FBXL20: variants seen among roughly 807,000 people sequenced by gnomAD.
FBXL20 encodes the protein F-box and leucine rich repeat protein 20.
Under a neutral mutation model 64.0 loss-of-function variants are expected in FBXL20, and 11 were observed. The observed-to-expected ratio is 0.17, with a 90% CI of 0.11 to 0.28. The LOEUF is 0.28. FBXL20 is among the 10% of genes least tolerant of loss of function. The probability of loss-of-function intolerance (pLI) is 1.00; values close to 1 mark genes in which losing one functional copy is unlikely to be tolerated. For missense variants in FBXL20, 303 were observed against 526.2 expected, an observed-to-expected ratio of 0.58 and a Z score of 4.15; for synonymous variants, 184 against 189.0, an observed-to-expected ratio of 0.97 and a Z score of 0.22.
At chr17:39,282,279 G>A (rs2046955752) in intron 8 of FBXL20, among the ~76,000 whole-genome samples, 1 of 152,038 alleles carries the variant, frequency 6.6e-6, no homozygotes, top group East Asian at 1.9e-4. Flanking sequence ...AATGTGACTG[G>A]CAGGAAATAA....
At position 39,253,863 on chromosome 17, in the gene FBXL20, TAG is replaced by T; in HGVS notation, c.*7595_*7596del. The T allele has an allele frequency of 6.6e-6, 1 of 152,138 alleles. No individual in the cohort carries two copies. The highest frequency in any genetic ancestry group is 1.5e-5 in the Non-Finnish European group (1 of 68,012). 9.4% of individuals were successfully genotyped at this position (152,138 alleles called of 1,614,324 possible). On this transcript the variant is annotated 3_prime_UTR_variant, in exon 15 of 15. Transcript: ENST00000264658. ...AAAAAAGTAATCAAATCATGCCAGT[TAG>T]AGACTTTTTCAAGTTAAGATTTTCT...
At chr17:39,310,339 T>C (rs1249592531) in intron 2 of FBXL20, among the ~76,000 whole-genome samples, 3 of 151,926 alleles carry the variant, frequency 2.0e-5, no homozygotes, top group Non-Finnish European at 4.4e-5. Context: ...AATTTGCACA[T>C]GCAATCCATG....
intron 7 of FBXL20, among the ~76,000 whole-genome samples, chr17:39,283,318 T>C (rs541079401): frequency 6.6e-6 from 1 of 152,390 alleles, no homozygotes; most frequent in South Asian, 2.1e-4. Flanking sequence ...ATTTGCATTA[T>C]ACTTACATAG....
chr17:39,388,318 G>A (rs1487016501), intron 1 of FBXL20, among the ~76,000 whole-genome samples: 1 of 151,866 alleles, frequency 6.6e-6, no homozygotes, highest in Admixed American at 6.6e-5. Flanking sequence ...AAATAGCTGG[G>A]CATGGTGGCA....
chr17:39,335,370 AC>A (rs944356393), intron 2 of FBXL20, among the ~76,000 whole-genome samples: 8 of 151,112 alleles, frequency 5.3e-5, no homozygotes, highest in Admixed American at 1.3e-4. Context: ...TTCCTCCTCA[AC>A]CCCTCCGGTC....
rs543683186 is a variant in FBXL20 at position 39,395,983 on chromosome 17, G to A, written c.42+5378C>T. ...AGAACCAGGAAAGGGCAGAACCACA[G>A]TCATTCAAAGCCAAGAGTTTTGTGG... On this transcript the variant is annotated intron_variant, in intron 1 of 14. Transcript: ENST00000264658. Among the ~76,000 whole-genome samples the A allele has an allele frequency of 4.9e-5, 7 of 143,556 alleles. No homozygotes were observed. In the East Asian group the frequency reaches 1.2e-3, roughly 26 times the overall value. The allele number at this position is 143,556 out of a possible 152,430, so 94.2% of individuals were successfully genotyped here. A position where few individuals can be genotyped will look rare whatever the true frequency, so the allele number is the denominator to read the frequency against.
intron 7 of FBXL20, among the ~76,000 whole-genome samples, chr17:39,284,076 G>GTT (rs2144394496): frequency 6.6e-6 from 1 of 152,182 alleles, no homozygotes; most frequent in African/African-American, 2.4e-5. Context: ...CACAATAACA[G>GTT]TTGACTGTGA....
At chr17:39,390,311 A>G (rs1288384321) in intron 1 of FBXL20, among the ~76,000 whole-genome samples, 1 of 152,148 alleles carries the variant, frequency 6.6e-6, no homozygotes, top group African/African-American at 2.4e-5. Context: ...AATCAATCCC[A>G]GCACTTTGAG....
intron 3 of FBXL20, 119 bp from the exon 4 acceptor site, chr17:39,301,194 G>T: frequency 1.3e-6 from 1 of 791,278 alleles, no homozygotes; most frequent in Non-Finnish European, 2.1e-6. Context: ...AATTTATCAG[G>T]CCCTATCCAC....
At chr17:39,382,496 A>C (rs1380059371) in intron 1 of FBXL20, among the ~76,000 whole-genome samples, 1 of 151,740 alleles carries the variant, frequency 6.6e-6, no homozygotes. Context: ...TTCAAAACAG[A>C]CTTATGAATG....
chr17:39,347,320 T>C (rs1257609487), intron 1 of FBXL20, among the ~76,000 whole-genome samples: 1 of 152,140 alleles, frequency 6.6e-6, no homozygotes, highest in Non-Finnish European at 1.5e-5. Context: ...AGTGTAAAAG[T>C]GTTTCTATTT....
intron 2 of FBXL20, among the ~76,000 whole-genome samples, chr17:39,313,167 T>C (rs530776365): frequency 6.6e-6 from 1 of 151,902 alleles, no homozygotes; most frequent in Non-Finnish European, 1.5e-5. Flanking sequence ...TCCGCCTGCC[T>C]TGGCCTCCCA....
intron 6 of FBXL20, among the ~76,000 whole-genome samples, chr17:39,286,610 C>T (rs1454883223): frequency 6.6e-6 from 1 of 152,070 alleles, no homozygotes; most frequent in Non-Finnish European, 1.5e-5. Context: ...ACCAGCCTGA[C>T]CAACATTGTG....
At chr17:39,401,791 C>G (rs1288199121), upstream of FBXL20, 2 of 905,522 alleles carry the variant, frequency 2.2e-6, no homozygotes, top group Non-Finnish European at 2.7e-6. Flanking sequence ...CACACGGGGC[C>G]GGCCCTGACG....
At chr17:39,349,627 TGA>T (rs2047668101) in intron 1 of FBXL20, among the ~76,000 whole-genome samples, 1 of 151,688 alleles carries the variant, frequency 6.6e-6, no homozygotes, top group South Asian at 2.1e-4. Flanking sequence ...TGACCTCTTG[TGA>T]TAAGTCACAG....
chr17:39,367,851 C>A (rs746791331), intron 1 of FBXL20, among the ~76,000 whole-genome samples: 9 of 151,666 alleles, frequency 5.9e-5, no homozygotes, highest in Non-Finnish European at 1.0e-4. Flanking sequence ...GCAACTTCAG[C>A]CTCCCAGGTT....
At chr17:39,397,133 C>T (rs573324133) in intron 1 of FBXL20, among the ~76,000 whole-genome samples, 13 of 152,008 alleles carry the variant, frequency 8.6e-5, no homozygotes, top group Non-Finnish European at 1.6e-4. Context: ...CTCGAACTCC[C>T]GAGCTCAGAT....
chr17:39,356,292 CAT>C (rs2047738951), intron 1 of FBXL20, among the ~76,000 whole-genome samples: 1 of 150,716 alleles, frequency 6.6e-6, no homozygotes, highest in African/African-American at 2.4e-5. Flanking sequence ...AGTTAATTAT[CAT>C]ATGTGGTATG....
At chr17:39,356,787 C>G (rs1290749954) in intron 1 of FBXL20, among the ~76,000 whole-genome samples, 1 of 151,406 alleles carries the variant, frequency 6.6e-6, no homozygotes, top group Non-Finnish European at 1.5e-5. Context: ...TCCTGAGAAG[C>G]TGGAACTACG....
Sources: gnomAD v4.1 joint callset for allele counts (sites outside exome capture counted in the v4.1 genomes callset) on GRCh38, gnomAD v4.1.1 for gene constraint, MANE v1.5 for transcripts, NCBI Gene and HGNC (gene_info 2026-07-23, HGNC 2026-07-21) for gene names.